Variants in DACH1 observed in about 807,000 individuals in gnomAD.
DACH1 encodes the protein dachshund homolog 1.
A neutral mutation model predicts 54.2 loss-of-function variants in DACH1; 12 were observed. The observed-to-expected ratio is 0.22, with a 90% CI of 0.14 to 0.36. The LOEUF (loss-of-function observed/expected upper bound fraction) is 0.36. DACH1 is among the 10% of genes least tolerant of loss of function. The pLI is 1.00. For synonymous variants in DACH1, 386 were observed against 366.2 expected (o/e 1.05, Z -0.62); for missense variants, 805 against 929.8 (o/e 0.87, Z 1.75).
At position 71,762,768 on chromosome 13, in the gene DACH1, C is replaced by CAAA. The variant is rs34543654; in HGVS notation, c.849-80861_849-80859dup. Among the ~76,000 whole-genome samples, 485 of 70,418 alleles carry CAAA rather than the reference C, an allele frequency of 6.9e-3. 1 individual carries two copies. The highest frequency in any genetic ancestry group is 8.1e-3 in the Non-Finnish European group (324 of 39,908). 46.2% of individuals were successfully genotyped at this position (70,418 alleles called of 152,430 possible). A position where few individuals can be genotyped will look rare whatever the true frequency, so the allele number is the denominator to read the frequency against. ...GGGCAACAAGAGTGAAACTTTGTCT[C>CAAA]AAAAAAAAAAAAAAAAAAAAAAAAG... is the stretch of plus-strand genomic sequence containing the variant. On this transcript the variant is annotated intron_variant, in intron 1 of 10. Transcript: ENST00000613252.
intron 7 of DACH1, among the ~76,000 whole-genome samples, chr13:71,482,763 A>G (rs1390337026): frequency 6.6e-6 from 1 of 151,654 alleles, no homozygotes; most frequent in African/African-American, 2.4e-5. Flanking sequence ...AAAAACAAAC[A>G]AATAATCAAT....
chr13:71,518,997 T>C (rs1241832034), intron 6 of DACH1, among the ~76,000 whole-genome samples: 1 of 151,976 alleles, frequency 6.6e-6, no homozygotes, highest in Non-Finnish European at 1.5e-5. Context: ...ATTGTTCATT[T>C]ATATACCATA....
rs903949651 is a variant in DACH1, at chr13:71,630,627, A to G, written c.1055T>C (p.Met352Thr). The change falls in exon 3 of 11, where the codon ATG becomes ACG. Residue 352 changes from methionine (M) to threonine (T), a missense_variant. Physicochemically the swap from Met to Thr is moderately conservative, Grantham distance 81. Transcript: ENST00000613252. Reference sequence around the variant, plus strand: ...GTTATTACTGGCATGATAGTTGCTCATGGCTTCTAATTTGATTTTTTTCAC... The same window carrying G: ...GTTATTACTGGCATGATAGTTGCTCGTGGCTTCTAATTTGATTTTTTTCAC... Reference protein sequence around the residue: ...MKVKKIKLEAMSNYHASNNQH... With the variant: ...MKVKKIKLEATSNYHASNNQH... 1.7e-5 allele frequency: 28 copies of G among 1,611,942 alleles called. No homozygotes were observed. Among genetic ancestry groups the G allele is most frequent in the Non-Finnish European group, 2.3e-5 (27 of 1,179,350 alleles).
intron 7 of DACH1, among the ~76,000 whole-genome samples, chr13:71,481,351 T>C (rs1262713606): frequency 6.6e-6 from 1 of 152,346 alleles, no homozygotes; most frequent in Middle Eastern, 3.4e-3. Context: ...TTTGGTGTTA[T>C]TTAAATGTGA....
At chr13:71,847,756 T>C (rs1264708629) in intron 1 of DACH1, among the ~76,000 whole-genome samples, 1 of 152,154 alleles carries the variant, frequency 6.6e-6, no homozygotes, top group Non-Finnish European at 1.5e-5. Flanking sequence ...ACTTACTAAA[T>C]TTCACAATAT....
intron 1 of DACH1, among the ~76,000 whole-genome samples, chr13:71,748,846 CTTTCTTTCTT>C (rs1312142449): frequency 7.2e-5 from 2 of 27,946 alleles, no homozygotes; most frequent in South Asian, 1.2e-3. Context: ...TATTTTTTCT[CTTTCTTTCTT>C]TCTTTCTTTC....
At chr13:71,570,780 A>G (rs1474071217) in intron 4 of DACH1, among the ~76,000 whole-genome samples, 1 of 152,128 alleles carries the variant, frequency 6.6e-6, no homozygotes, top group African/African-American at 2.4e-5. Flanking sequence ...TGACTTCCCA[A>G]TCATTGAGTC....
intron 1 of DACH1, among the ~76,000 whole-genome samples, chr13:71,835,207 C>T (rs539007375): frequency 6.6e-6 from 1 of 151,928 alleles, no homozygotes; most frequent in Non-Finnish European, 1.5e-5. Context: ...GAAAAGAAAC[C>T]GGCCTGTTCA....
intron 1 of DACH1, among the ~76,000 whole-genome samples, chr13:71,737,182 C>G (rs1170475694): frequency 6.6e-6 from 1 of 151,822 alleles, no homozygotes; most frequent in African/African-American, 2.4e-5. Flanking sequence ...AAGATCACGC[C>G]TTTGCACTCC....
intron 3 of DACH1, among the ~76,000 whole-genome samples, chr13:71,609,550 T>C (rs901320800): frequency 6.6e-6 from 1 of 152,146 alleles, no homozygotes; most frequent in Non-Finnish European, 1.5e-5. Flanking sequence ...ACTTTTTTTT[T>C]TTCTTTGAGA....
At chr13:71,649,877 T>A (rs1878553350) in intron 2 of DACH1, among the ~76,000 whole-genome samples, 1 of 152,152 alleles carries the variant, frequency 6.6e-6, no homozygotes, top group South Asian at 2.1e-4. Context: ...GAATATATAG[T>A]CACTAAATTA....
In DACH1 at chr13:71,582,990, T is replaced by C. The variant is rs539686506; in HGVS notation, c.1127-9978A>G. ...ATGGTTATAAAACTCTTCTGTAGAT[T>C]GCCATGACAATGAGAGTTAGAATAA... On this transcript the variant is annotated intron_variant, in intron 3 of 10. Coordinates refer to ENST00000613252, the MANE Select transcript of DACH1 (RefSeq NM_080759.6). Among the ~76,000 whole-genome samples the C allele has an allele frequency of 2.6e-5, 4 of 152,338 alleles. No homozygotes were observed. The East Asian group carries it at 5.8e-4, about 22-fold the overall frequency.
At chr13:71,599,606 T>C (rs868548106) in intron 3 of DACH1, among the ~76,000 whole-genome samples, 1 of 152,136 alleles carries the variant, frequency 6.6e-6, no homozygotes, top group Non-Finnish European at 1.5e-5. Context: ...CTGTATCTTG[T>C]TTTATATGCA....
chr13:71,568,652 A>G, intron 4 of DACH1, among the ~76,000 whole-genome samples: 1 of 152,096 alleles, frequency 6.6e-6, no homozygotes, highest in East Asian at 1.9e-4. Flanking sequence ...TCACTCTTAA[A>G]TCTGCTGAAA....
intron 2 of DACH1, among the ~76,000 whole-genome samples, chr13:71,640,113 A>G (rs934848746): frequency 1.6e-4 from 25 of 152,054 alleles, no homozygotes; most frequent in Non-Finnish European, 8.8e-5. Context: ...CTCCCAGTTC[A>G]GCACTGACCA....
At chr13:71,513,480 T>C (rs902063791) in intron 6 of DACH1, among the ~76,000 whole-genome samples, 2 of 151,968 alleles carry the variant, frequency 1.3e-5, no homozygotes, top group Non-Finnish European at 2.9e-5. Flanking sequence ...AAGGCAAACA[T>C]TCAGAAACTC....
intron 7 of DACH1, among the ~76,000 whole-genome samples, chr13:71,484,495 T>C (rs558366999): frequency 6.6e-6 from 1 of 152,144 alleles, no homozygotes; most frequent in Admixed American, 6.5e-5. Context: ...TTTTAACATA[T>C]GTTTTAGGTC....
At chr13:71,703,909 C>A (rs1403768579) in intron 1 of DACH1, among the ~76,000 whole-genome samples, 1 of 152,050 alleles carries the variant, frequency 6.6e-6, no homozygotes, top group Non-Finnish European at 1.5e-5. Context: ...AACAAATAAT[C>A]CAAGACCGTC....
chr13:71,504,469 C>T (rs1174816408), intron 6 of DACH1, among the ~76,000 whole-genome samples: 1 of 152,094 alleles, frequency 6.6e-6, no homozygotes, highest in Non-Finnish European at 1.5e-5. Context: ...AGGTAAAAGA[C>T]ATAGCTCAGA....
Sources: allele counts gnomAD v4.1 joint callset (sites outside exome capture counted in the v4.1 genomes callset), GRCh38; gene constraint gnomAD v4.1.1; transcripts MANE v1.5; gene names NCBI Gene and HGNC (gene_info 2026-07-23, HGNC 2026-07-21).